The following SGCZ variants were observed in gnomAD, a reference collection of about 807,000 sequenced individuals.
SGCZ encodes sarcoglycan zeta, also known as zeta-sarcoglycan.
SGCZ carries 40 observed loss-of-function variants against 41.3 expected under a neutral mutation model. The observed-to-expected ratio is 0.97, with a 90% CI of 0.75 to 1.26. The LOEUF is 1.26. SGCZ is among the 50% of genes most tolerant of loss of function. The probability of loss-of-function intolerance (pLI) is 0.00; values close to 1 mark genes in which losing one functional copy is unlikely to be tolerated. For missense variants in SGCZ, 552 were observed against 369.8 expected (o/e 1.49, Z -4.04); for synonymous variants, 206 against 137.5 (o/e 1.50, Z -3.49).
chr8:14,722,933 C>G (rs544775602), intron 1 of SGCZ, among the ~76,000 whole-genome samples: 1 of 151,976 alleles, frequency 6.6e-6, no homozygotes. Context: ...ATTTAATCTC[C>G]GAAAAAATCT....
intron 2 of SGCZ, among the ~76,000 whole-genome samples, chr8:14,420,050 C>T (rs1380959060): frequency 1.3e-5 from 2 of 152,066 alleles, no homozygotes; most frequent in African/African-American, 2.4e-5. Context: ...AGTATCTCCA[C>T]TGTACAGACT....
intron 4 of SGCZ, among the ~76,000 whole-genome samples, chr8:14,171,987 A>AT (rs972742961): frequency 4.6e-5 from 7 of 151,948 alleles, no homozygotes; most frequent in East Asian, 1.9e-4. Flanking sequence ...CTGCGTTACT[A>AT]TTTTTTTTAT....
intron 1 of SGCZ, among the ~76,000 whole-genome samples, chr8:14,949,862 T>A (rs933639517): frequency 6.6e-6 from 1 of 152,116 alleles, no homozygotes; most frequent in South Asian, 2.1e-4. Flanking sequence ...AAAAATCGTT[T>A]CATCCAAAGT....
chr8:14,842,244 T>C (rs1414832775), intron 1 of SGCZ, among the ~76,000 whole-genome samples: 1 of 151,670 alleles, frequency 6.6e-6, no homozygotes, highest in Non-Finnish European at 1.5e-5. Flanking sequence ...CTTTCTGATA[T>C]CGAAACTGAC....
chr8:14,241,888 G>A (rs1476437352), intron 3 of SGCZ, among the ~76,000 whole-genome samples: 2 of 152,064 alleles, frequency 1.3e-5, no homozygotes, highest in Non-Finnish European at 2.9e-5. Context: ...TTTTCTGATA[G>A]GCTATGCATA....
intron 5 of SGCZ, among the ~76,000 whole-genome samples, chr8:14,140,730 A>C (rs989844041): frequency 1.3e-5 from 2 of 152,200 alleles, no homozygotes; most frequent in African/African-American, 4.8e-5. Context: ...AATATCATGA[A>C]AATGGCCATA....
intron 3 of SGCZ, among the ~76,000 whole-genome samples, chr8:14,297,463 A>G (rs1801054071): frequency 6.6e-6 from 1 of 152,020 alleles, no homozygotes; most frequent in Non-Finnish European, 1.5e-5. Flanking sequence ...CAAAAACAGA[A>G]GTATCTTATT....
chr8:14,352,378 C>T (rs1024502419), intron 2 of SGCZ, among the ~76,000 whole-genome samples: 2 of 151,662 alleles, frequency 1.3e-5, no homozygotes, highest in Admixed American at 6.6e-5. Context: ...GGCAAGAGCA[C>T]ACAAGAAAAG....
chr8:14,658,654 G>T (rs1195090150), intron 1 of SGCZ, among the ~76,000 whole-genome samples: 1 of 152,150 alleles, frequency 6.6e-6, no homozygotes, highest in African/African-American at 2.4e-5. Context: ...TTTGCCTGAA[G>T]TCTTTCCATA....
chr8:14,925,929 A>C (rs1221903061), intron 1 of SGCZ, among the ~76,000 whole-genome samples: 2 of 152,238 alleles, frequency 1.3e-5, no homozygotes, highest in African/African-American at 2.4e-5. Flanking sequence ...GAATAGTGAC[A>C]ACAGGGCAGA....
At chr8:15,176,211 T>C (rs1451065907) in intron 1 of SGCZ, among the ~76,000 whole-genome samples, 1 of 152,180 alleles carries the variant, frequency 6.6e-6, no homozygotes, top group African/African-American at 2.4e-5. Flanking sequence ...TTAATCTTAC[T>C]CACCTTCTAG....
chr8:14,557,126 T>C (rs963715902), intron 1 of SGCZ, among the ~76,000 whole-genome samples: 1 of 152,130 alleles, frequency 6.6e-6, no homozygotes, highest in African/African-American at 2.4e-5. Context: ...TATGGCCATT[T>C]TTGAGGTAGT....
intron 1 of SGCZ, among the ~76,000 whole-genome samples, chr8:14,835,951 G>A (rs1278516247): frequency 6.6e-6 from 1 of 152,136 alleles, no homozygotes; most frequent in Admixed American, 6.6e-5. Flanking sequence ...TTTCCAATAA[G>A]TTGCTATTCA....
chr8:14,882,930 A>G (rs1335448743), intron 1 of SGCZ, among the ~76,000 whole-genome samples: 1 of 152,148 alleles, frequency 6.6e-6, no homozygotes, highest in African/African-American at 2.4e-5. Flanking sequence ...GAACAAGTGC[A>G]CGATAACCAC....
chr8:14,376,535 TAG>T (rs1563289156), intron 2 of SGCZ, among the ~76,000 whole-genome samples: 1 of 151,972 alleles, frequency 6.6e-6, no homozygotes, highest in African/African-American at 2.4e-5. Flanking sequence ...ACAGAAGAAA[TAG>T]ACTTTGACAA....
intron 1 of SGCZ, among the ~76,000 whole-genome samples, chr8:14,591,863 T>C (rs1238348160): frequency 1.3e-5 from 2 of 152,182 alleles, no homozygotes; most frequent in East Asian, 1.9e-4. Flanking sequence ...TTGTCGATTA[T>C]AATTCCACTT....
chr8:14,729,960 C>G (rs887357548), intron 1 of SGCZ, among the ~76,000 whole-genome samples: 1 of 152,122 alleles, frequency 6.6e-6, no homozygotes, highest in Non-Finnish European at 1.5e-5. Context: ...TAGGACAGTC[C>G]TCTAATCCCA....
At chr8:14,376,509 G>C (rs1000773895) in intron 2 of SGCZ, among the ~76,000 whole-genome samples, 1 of 152,066 alleles carries the variant, frequency 6.6e-6, no homozygotes, top group Non-Finnish European at 1.5e-5. Context: ...GAGATAGAAA[G>C]CTTAGATGAA....
At chr8:14,674,909 T>G (rs111647362) in intron 1 of SGCZ, among the ~76,000 whole-genome samples, 11 of 149,802 alleles carry the variant, frequency 7.3e-5, no homozygotes, top group African/African-American at 2.7e-4. Flanking sequence ...GTGAGCCAAT[T>G]TAACCTCTTT....
Sources: gnomAD v4.1 joint callset for allele counts (sites outside exome capture counted in the v4.1 genomes callset) on GRCh38, gnomAD v4.1.1 for gene constraint, MANE v1.5 for transcripts, NCBI Gene and HGNC (gene_info 2026-07-23, HGNC 2026-07-21) for gene names.